Variants in PRKCA observed in about 807,000 individuals in gnomAD.
PRKCA encodes the protein protein kinase C alpha, also known as protein kinase C alpha type.
A neutral mutation model predicts 87.0 loss-of-function variants in PRKCA; 27 were observed. That is an observed-to-expected ratio of 0.31 (90% CI 0.23 to 0.43). PRKCA has a LOEUF of 0.43. Ranked by LOEUF, PRKCA falls within the 20% of genes least tolerant of loss-of-function variation. The probability of loss-of-function intolerance (pLI) is 1.00; values close to 1 mark genes in which losing one functional copy is unlikely to be tolerated. For synonymous variants in PRKCA, 329 were observed against 311.1 expected, an observed-to-expected ratio of 1.06 and a Z score of -0.61; for missense variants, 518 against 852.3, an observed-to-expected ratio of 0.61 and a Z score of 4.88.
intron 8 of PRKCA, among the ~76,000 whole-genome samples, chr17:66,732,104 T>C (rs1457686062): frequency 1.4e-5 from 2 of 138,982 alleles, no homozygotes; most frequent in African/African-American, 2.7e-5. Context: ...TGAGTTCAAC[T>C]CTTGATTTAA....
At chr17:66,341,340 C>T (rs1179999992) in intron 2 of PRKCA, among the ~76,000 whole-genome samples, 1 of 152,108 alleles carries the variant, frequency 6.6e-6, no homozygotes, top group Non-Finnish European at 1.5e-5. Flanking sequence ...TTTTCCCCTG[C>T]TTTTAATCTC....
intron 2 of PRKCA, among the ~76,000 whole-genome samples, chr17:66,475,584 G>C (rs1024157373): frequency 6.6e-6 from 1 of 152,144 alleles, no homozygotes; most frequent in Non-Finnish European, 1.5e-5. Context: ...TTTGCCTTGT[G>C]TGAGTTCGGC....
At chr17:66,573,519 G>A (rs901516837) in intron 3 of PRKCA, among the ~76,000 whole-genome samples, 4 of 152,176 alleles carry the variant, frequency 2.6e-5, no homozygotes, top group African/African-American at 9.7e-5. Context: ...TTGGAAAAGT[G>A]TCTGTTTTCT....
chr17:66,653,761 A>G (rs141285902), intron 5 of PRKCA, among the ~76,000 whole-genome samples: 142 of 146,546 alleles, frequency 9.7e-4, no homozygotes, highest in Non-Finnish European at 1.5e-3. Flanking sequence ...TAAAGACACC[A>G]GCTTCTATTT....
intron 5 of PRKCA, among the ~76,000 whole-genome samples, chr17:66,659,221 A>G (rs1488956042): frequency 6.6e-6 from 1 of 152,190 alleles, no homozygotes; most frequent in African/African-American, 2.4e-5. Context: ...TGGAGACTCT[A>G]GGGACTCTGC....
chr17:66,774,212 ACG>A (rs1479898496), intron 14 of PRKCA, 145 bp downstream of exon 14: 42 of 1,521,258 alleles, frequency 2.8e-5, no homozygotes, highest in Non-Finnish European at 2.6e-6. Flanking sequence ...AGAGGGAGAA[ACG>A]CCCCCTTCAA....
intron 16 of PRKCA, among the ~76,000 whole-genome samples, chr17:66,797,994 T>C (rs1326238061): frequency 6.6e-6 from 1 of 152,230 alleles, no homozygotes; most frequent in Admixed American, 6.5e-5. Flanking sequence ...TCTGAGGCCA[T>C]GGACAGCCAC....
intron 8 of PRKCA, among the ~76,000 whole-genome samples, chr17:66,707,951 A>G (rs78577972): frequency 2.6e-5 from 4 of 152,128 alleles, no homozygotes; most frequent in Non-Finnish European, 5.9e-5. Context: ...CATGGCTTTT[A>G]TAGGCAGCTA....
intron 13 of PRKCA, among the ~76,000 whole-genome samples, chr17:66,764,793 G>A (rs1974761075): frequency 6.6e-6 from 1 of 152,198 alleles, no homozygotes; most frequent in African/African-American, 2.4e-5. Context: ...CTTGCCTGGG[G>A]CTTCAGGATA....
At chr17:66,752,682 T>A (rs930535886) in intron 13 of PRKCA, among the ~76,000 whole-genome samples, 4 of 152,182 alleles carry the variant, frequency 2.6e-5, no homozygotes, top group African/African-American at 9.7e-5. Flanking sequence ...TGCAGGGACA[T>A]CCCTACCATG....
rs182135752 is a variant in PRKCA, at chr17:66,497,365, C to T, written c.288+1082C>T. Among the ~76,000 whole-genome samples, 482 of 152,010 alleles carry T rather than the reference C, an allele frequency of 3.2e-3. 3 individuals carry two copies. Among genetic ancestry groups the T allele is most frequent in the African/African-American group, 0.011 (436 of 41,472 alleles). Reference sequence around the variant, plus strand: ...ATACAAAATTAGCTGGGCGTGGTGGCGCATCCTGAGATCCTAGCTCCTCAG... The same window carrying T: ...ATACAAAATTAGCTGGGCGTGGTGGTGCATCCTGAGATCCTAGCTCCTCAG... On this transcript the variant is annotated intron_variant, in intron 3 of 16. Transcript: ENST00000413366.
At chr17:66,564,459 C>G (rs1360475265) in intron 3 of PRKCA, among the ~76,000 whole-genome samples, 10 of 152,114 alleles carry the variant, frequency 6.6e-5, no homozygotes, top group Admixed American at 6.5e-4. Flanking sequence ...GGTGGTGCTT[C>G]TGGGAAAAAG....
intron 2 of PRKCA, among the ~76,000 whole-genome samples, chr17:66,401,709 A>G (rs1286113089): frequency 6.6e-6 from 1 of 152,210 alleles, no homozygotes; most frequent in East Asian, 1.9e-4. Flanking sequence ...ACTTAAAAAA[A>G]TTAGCAGCCA....
intron 2 of PRKCA, among the ~76,000 whole-genome samples, chr17:66,411,158 A>G (rs1368108031): frequency 6.6e-6 from 1 of 151,532 alleles, no homozygotes; most frequent in African/African-American, 2.4e-5. Context: ...TGCAGCCTCA[A>G]CCTCCTGGGC....
chr17:66,559,022 T>TG (rs1968596241), intron 3 of PRKCA, among the ~76,000 whole-genome samples: 1 of 152,164 alleles, frequency 6.6e-6, no homozygotes, highest in Non-Finnish European at 1.5e-5. Flanking sequence ...CCCCATGCAT[T>TG]CGAACAGGCT....
At chr17:66,450,385 A>C (rs1000505838) in intron 2 of PRKCA, among the ~76,000 whole-genome samples, 11 of 152,176 alleles carry the variant, frequency 7.2e-5, no homozygotes, top group African/African-American at 2.7e-4. Flanking sequence ...CTGAGTGCTA[A>C]GTAAAACGAG....
At chr17:66,522,114 A>G (rs1005138672) in intron 3 of PRKCA, among the ~76,000 whole-genome samples, 2 of 152,126 alleles carry the variant, frequency 1.3e-5, no homozygotes, top group Admixed American at 1.3e-4. Flanking sequence ...TGGAGCACAC[A>G]TCCCTCAACA....
intron 3 of PRKCA, among the ~76,000 whole-genome samples, chr17:66,562,952 A>C (rs951065160): frequency 2.0e-5 from 3 of 152,144 alleles, no homozygotes; most frequent in Non-Finnish European, 4.4e-5. Context: ...GGAAGGGAAT[A>C]GTGGCCCTTC....
chr17:66,751,051 T>G (rs1974415762), intron 13 of PRKCA, among the ~76,000 whole-genome samples: 1 of 152,206 alleles, frequency 6.6e-6, no homozygotes, highest in Non-Finnish European at 1.5e-5. Context: ...GTGGCATGCT[T>G]TAATTAGCCC....
Sources: allele counts gnomAD v4.1 joint callset (sites outside exome capture counted in the v4.1 genomes callset), GRCh38; gene constraint gnomAD v4.1.1; transcripts MANE v1.5; gene names NCBI Gene and HGNC (gene_info 2026-07-23, HGNC 2026-07-21).